Variants in HYDIN observed in about 807,000 individuals in gnomAD.
The protein encoded by HYDIN is HYDIN axonemal central pair apparatus protein, also known as axonemal central pair apparatus protein HYDIN.
In HYDIN, 132 loss-of-function variants were observed where a neutral mutation model predicts 403.9. That is an observed-to-expected ratio of 0.33 (90% CI 0.28 to 0.38). The LOEUF is 0.38. Ranked by LOEUF, HYDIN falls within the 10% of genes least tolerant of loss-of-function variation. The pLI is 1.00. For synonymous variants in HYDIN, 1,202 were observed against 1,891.7 expected (o/e 0.64, Z 9.46); for missense variants, 2,827 against 5,009.5 (o/e 0.56, Z 13.15).
At chr16:71,181,976 G>A (rs2086924533) in intron 3 of HYDIN, among the ~76,000 whole-genome samples, 1 of 152,188 alleles carries the variant, frequency 6.6e-6, no homozygotes, top group Non-Finnish European at 1.5e-5. Flanking sequence ...GCAGTCAAGA[G>A]AAGGCCTCTC....
intron 57 of HYDIN, among the ~76,000 whole-genome samples, chr16:70,890,161 T>C (rs2041386555): frequency 6.6e-6 from 1 of 152,246 alleles, no homozygotes; most frequent in African/African-American, 2.4e-5. Context: ...GTCTTGGTAG[T>C]TGTTCACTTG....
Position 70,807,048 on chromosome 16 carries a change from A to G in HYDIN, c.*532T>C, listed in dbSNP as rs1170997722. ...GGACACTGATGGTATAAAAGCCAAGAGAAAAAGTGATGGGAGTGTCCCTGG... is the reference window on the plus strand; with the variant it reads ...GGACACTGATGGTATAAAAGCCAAGGGAAAAAGTGATGGGAGTGTCCCTGG... On this transcript the variant is annotated 3_prime_UTR_variant, in exon 86 of 86. Transcript: ENST00000393567. Among the ~76,000 whole-genome samples the G allele has an allele frequency of 2.6e-5, 4 of 152,328 alleles. No individual in the cohort carries two copies. The East Asian group carries it at 5.8e-4, about 22-fold the overall frequency.
At chr16:71,208,567 G>A (rs556261285) in intron 1 of HYDIN, among the ~76,000 whole-genome samples, 4 of 152,214 alleles carry the variant, frequency 2.6e-5, no homozygotes, top group African/African-American at 9.6e-5. Flanking sequence ...GAGCTGAACT[G>A]AAGGAGATAG....
intron 19 of HYDIN, among the ~76,000 whole-genome samples, chr16:71,028,591 C>T (rs1381007050): frequency 2.7e-5 from 4 of 150,616 alleles, no homozygotes; most frequent in South Asian, 2.1e-4. Flanking sequence ...CACAGGCTTA[C>T]TTTAAAATAT....
intron 75 of HYDIN, among the ~76,000 whole-genome samples, chr16:70,844,636 G>C (rs567832974): frequency 7.0e-4 from 101 of 143,576 alleles, no homozygotes; most frequent in African/African-American, 2.1e-3. Context: ...ACCTTGGGCA[G>C]TATGGCCATT....
intron 1 of HYDIN, among the ~76,000 whole-genome samples, chr16:71,190,895 T>G (rs1437168549): frequency 2.6e-5 from 4 of 152,112 alleles, no homozygotes. Flanking sequence ...AGAATACAAT[T>G]AATCTAAATC....
At chr16:71,058,572 A>T (rs1237588743) in intron 18 of HYDIN, among the ~76,000 whole-genome samples, 1 of 142,222 alleles carries the variant, frequency 7.0e-6, no homozygotes, top group Non-Finnish European at 1.5e-5. Flanking sequence ...GTGCACATGT[A>T]CCCTAAAACT....
At chr16:71,199,658 G>C (rs892739308) in intron 1 of HYDIN, among the ~76,000 whole-genome samples, 2 of 152,164 alleles carry the variant, frequency 1.3e-5, no homozygotes, top group African/African-American at 2.4e-5. Context: ...CTTCAGGAGA[G>C]GGGTGGGCCT....
chr16:71,108,173 C>T lies in HYDIN; in HGVS notation c.1327+7523G>A, dbSNP rs10735136. ...ACAGACACTGGGGCCTAGTGGAGGG[C>T]GGAGGGTGAGAGGAGGAAGAGGATC... is the stretch of plus-strand genomic sequence containing the variant. On this transcript the variant is annotated intron_variant, in intron 10 of 85. Coordinates refer to ENST00000393567, the MANE Select transcript of HYDIN (RefSeq NM_001270974.2). Among the ~76,000 whole-genome samples, 538 of 152,044 alleles carry T rather than the reference C, an allele frequency of 3.5e-3. 7 individuals are homozygous for T. Among genetic ancestry groups the T allele is most frequent in the African/African-American group, 0.012 (487 of 41,432 alleles).
At chr16:71,020,129 G>A (rs4788717) in intron 22 of HYDIN, 45 bp downstream of exon 22, 10 of 1,597,906 alleles carry the variant, frequency 6.3e-6, no homozygotes, top group African/African-American at 1.3e-5. Context: ...ATCACACCCC[G>A]CCCCACCCCA....
At chr16:70,997,186 T>C (rs1328588708) in intron 23 of HYDIN, among the ~76,000 whole-genome samples, 1 of 145,448 alleles carries the variant, frequency 6.9e-6, no homozygotes, top group Non-Finnish European at 1.5e-5. Flanking sequence ...CAGGTAGTAA[T>C]GCGAGTGGTG....
intron 75 of HYDIN, among the ~76,000 whole-genome samples, chr16:70,846,052 T>C (rs1234334110): frequency 6.6e-6 from 1 of 150,880 alleles, no homozygotes; most frequent in Non-Finnish European, 1.5e-5. Flanking sequence ...TCAGTTCTGC[T>C]CTGATTTTAG....
At chr16:70,920,541 G>C (rs1350718317) in intron 46 of HYDIN, 50 bp downstream of exon 46, 1 of 1,452,682 alleles carries the variant, frequency 6.9e-7, no homozygotes, top group Non-Finnish European at 9.4e-7. Context: ...CCTTAGCACA[G>C]CGCCTGCTGC....
intron 66 of HYDIN, among the ~76,000 whole-genome samples, chr16:70,867,072 A>G (rs2039803427): frequency 6.7e-6 from 1 of 149,754 alleles, no homozygotes; most frequent in Non-Finnish European, 1.5e-5. Context: ...TTTGGTAAGG[A>G]TATTTGCAGA....
chr16:71,098,618 A>G (rs1415005686), intron 10 of HYDIN, among the ~76,000 whole-genome samples: 1 of 151,714 alleles, frequency 6.6e-6, no homozygotes, highest in Non-Finnish European at 1.5e-5. Context: ...ATTGAGATCC[A>G]ACTTTCAGAA....
intron 45 of HYDIN, among the ~76,000 whole-genome samples, chr16:70,925,883 G>A (rs1367749965): frequency 6.6e-6 from 1 of 151,582 alleles, no homozygotes; most frequent in Non-Finnish European, 1.5e-5. Context: ...CTGGCCATCA[G>A]AGAAATGCAA....
At chr16:70,867,669 T>C (rs973167629) in intron 66 of HYDIN, among the ~76,000 whole-genome samples, 5 of 144,142 alleles carry the variant, frequency 3.5e-5, no homozygotes, top group African/African-American at 1.1e-4. Context: ...CAACTAATAA[T>C]ATATGTTTTA....
intron 50 of HYDIN, among the ~76,000 whole-genome samples, chr16:70,907,142 A>G (rs1040844531): frequency 3.3e-5 from 5 of 152,190 alleles, no homozygotes; most frequent in African/African-American, 1.2e-4. Context: ...TACCCTGATC[A>G]AGCCTGAAAC....
At position 70,850,543 on chromosome 16, in the gene HYDIN, C is replaced by A. The variant is rs767824974; in HGVS notation, c.12556G>T (p.Gly4186Cys). 1.2e-6 allele frequency: 2 copies of A among 1,610,814 alleles called. No individual in the cohort carries two copies. The highest frequency in any genetic ancestry group is 1.7e-6 in the Non-Finnish European group (2 of 1,178,710). ...HPVTLNVKAE[G>C]YTMNVEIKCK... ...TTGATCTCCACATTCATAGTGTAGC[C>A]CTCGGCCTTGACATTTAATGTCACA... Residue 4186 changes from glycine (G) to cysteine (C), a missense_variant, in exon 74 of 86, where the codon GGC becomes TGC. Gly to Cys is a radical substitution (Grantham distance 159). Coordinates refer to ENST00000393567, the MANE Select transcript of HYDIN (RefSeq NM_001270974.2).
Sources: allele counts gnomAD v4.1 joint callset (sites outside exome capture counted in the v4.1 genomes callset), GRCh38; gene constraint gnomAD v4.1.1; transcripts MANE v1.5; gene names NCBI Gene and HGNC (gene_info 2026-07-23, HGNC 2026-07-21).